The following EPHB1 variants were observed in gnomAD, a reference collection of about 807,000 sequenced individuals.
EPHB1 encodes ephrin type-B receptor 1.
EPHB1 carries 30 observed loss-of-function variants against 94.4 expected under a neutral mutation model. That is an observed-to-expected ratio of 0.32 (90% CI 0.24 to 0.43). EPHB1 has a LOEUF of 0.43. EPHB1 is among the 20% of genes least tolerant of loss of function. The pLI, the probability that EPHB1 is intolerant of heterozygous loss-of-function variation, is 1.00. For missense variants in EPHB1, 1,055 were observed against 1,308.3 expected, an observed-to-expected ratio of 0.81 and a Z score of 2.99; for synonymous variants, 522 against 489.1, an observed-to-expected ratio of 1.07 and a Z score of -0.89.
chr3:135,133,143 G>A (rs959099462), intron 5 of EPHB1, 94 bp downstream of exon 5: 23 of 1,262,734 alleles, frequency 1.8e-5, no homozygotes, highest in South Asian at 1.1e-4. Context: ...CATCCTGCCC[G>A]TGTACTGTCA....
chr3:134,863,153 G>A (rs892480327), intron 1 of EPHB1, among the ~76,000 whole-genome samples: 4 of 152,158 alleles, frequency 2.6e-5, no homozygotes, highest in African/African-American at 4.8e-5. Context: ...CTGCCACAGA[G>A]GTTTCCTAGC....
chr3:135,222,968 C>T (rs1222088792), intron 12 of EPHB1, among the ~76,000 whole-genome samples: 2 of 152,148 alleles, frequency 1.3e-5, no homozygotes, highest in Non-Finnish European at 2.9e-5. Flanking sequence ...TGCAATTTCG[C>T]AGAGTATGAG....
intron 3 of EPHB1, among the ~76,000 whole-genome samples, chr3:135,044,475 G>A (rs1031879169): frequency 6.6e-6 from 1 of 152,198 alleles, no homozygotes; most frequent in African/African-American, 2.4e-5. Flanking sequence ...AAAGAAGAGA[G>A]GTTAAGAACA....
At chr3:134,812,079 A>G (rs1371325048) in intron 1 of EPHB1, among the ~76,000 whole-genome samples, 1 of 152,226 alleles carries the variant, frequency 6.6e-6, no homozygotes, top group East Asian at 1.9e-4. Context: ...CCTGACTTCA[A>G]GGGATGTGAA....
At chr3:134,972,671 G>A (rs999457982) in intron 3 of EPHB1, among the ~76,000 whole-genome samples, 1 of 151,598 alleles carries the variant, frequency 6.6e-6, no homozygotes, top group Non-Finnish European at 1.5e-5. Flanking sequence ...CACAAAAATT[G>A]CAATACTGTG....
At chr3:135,086,997 C>A (rs1158817476) in intron 3 of EPHB1, among the ~76,000 whole-genome samples, 2 of 152,176 alleles carry the variant, frequency 1.3e-5, no homozygotes, top group Non-Finnish European at 1.5e-5. Context: ...ATCTGAGTTT[C>A]TTCTGCAAAA....
At chr3:134,928,573 G>C (rs2038841889) in intron 2 of EPHB1, among the ~76,000 whole-genome samples, 1 of 152,234 alleles carries the variant, frequency 6.6e-6, no homozygotes, top group Admixed American at 6.5e-5. Context: ...ACAGGAGGAG[G>C]AGTATGCTTG....
chr3:135,112,741 A>G (rs1465276916), intron 4 of EPHB1, among the ~76,000 whole-genome samples: 2 of 152,014 alleles, frequency 1.3e-5, no homozygotes, highest in African/African-American at 4.8e-5. Context: ...ATGGCTGCAT[A>G]GTATTCCATG....
intron 3 of EPHB1, among the ~76,000 whole-genome samples, chr3:134,965,424 G>A (rs1933698597): frequency 1.3e-5 from 2 of 152,090 alleles, no homozygotes; most frequent in African/African-American, 4.8e-5. Context: ...CTAGGGCCAG[G>A]CGAGGTGGCT....
At chr3:135,206,614 C>T (rs1296992660) in intron 12 of EPHB1, among the ~76,000 whole-genome samples, 1 of 152,194 alleles carries the variant, frequency 6.6e-6, no homozygotes, top group Non-Finnish European at 1.5e-5. Context: ...CTTTGGGAGG[C>T]CGAGGTGGGT....
intron 6 of EPHB1, among the ~76,000 whole-genome samples, chr3:135,154,736 A>G (rs1941299111): frequency 6.6e-6 from 1 of 152,226 alleles, no homozygotes; most frequent in South Asian, 2.1e-4. Flanking sequence ...GGATAAAAAA[A>G]CATGTAAAGT....
chr3:134,918,620 G>A (rs1197264311), intron 1 of EPHB1, among the ~76,000 whole-genome samples: 3 of 152,122 alleles, frequency 2.0e-5, no homozygotes, highest in Admixed American at 6.5e-5. Flanking sequence ...TTGAAACACT[G>A]TCTCCTGAGT....
At chr3:134,882,759 TTC>T (rs1560280416) in intron 1 of EPHB1, among the ~76,000 whole-genome samples, 743 of 33,908 alleles carry the variant, frequency 0.022, 48 homozygotes, top group African/African-American at 0.071. Flanking sequence ...CCTTTCTTCC[TTC>T]CTTCCTTTCT....
Position 135,093,790 on chromosome 3 carries a change from A to G in EPHB1, c.806-12658A>G, listed in dbSNP as rs1938649247. 2.0e-5 allele frequency among the ~76,000 whole-genome samples: 3 copies of G among 152,212 alleles called. No homozygotes were observed. The East Asian group carries it at 5.8e-4, about 29-fold the overall frequency. The stretch of plus-strand genomic sequence containing the variant: ...TCACTGCATAAAAATTGGAAAATAT[A>G]GATCATAAAAGATTTTTAAAATGTG... On this transcript the variant is annotated intron_variant, in intron 3 of 15. Coordinates refer to ENST00000398015, the MANE Select transcript of EPHB1 (RefSeq NM_004441.5).
At chr3:135,245,164 T>C (rs1467780810) in intron 13 of EPHB1, among the ~76,000 whole-genome samples, 1 of 152,218 alleles carries the variant, frequency 6.6e-6, no homozygotes, top group Non-Finnish European at 1.5e-5. Flanking sequence ...ACAGCCGTAA[T>C]GACACCTTCT....
intron 3 of EPHB1, among the ~76,000 whole-genome samples, chr3:134,971,599 G>A (rs933799166): frequency 2.6e-5 from 4 of 152,188 alleles, no homozygotes; most frequent in African/African-American, 9.7e-5. Flanking sequence ...GTGAGGGCTG[G>A]TGTGAAGCAT....
At chr3:135,058,806 G>A (rs1244783349) in intron 3 of EPHB1, among the ~76,000 whole-genome samples, 1 of 152,236 alleles carries the variant, frequency 6.6e-6, no homozygotes, top group African/African-American at 2.4e-5. Flanking sequence ...ATACAGATGA[G>A]CGGCTTGTAG....
chr3:134,903,299 T>C (rs1255980493), intron 1 of EPHB1, among the ~76,000 whole-genome samples: 1 of 152,176 alleles, frequency 6.6e-6, no homozygotes, highest in Non-Finnish European at 1.5e-5. Context: ...GGCTCCTGCA[T>C]TCCAGGCATC....
rs573285880 is a variant in EPHB1 at position 134,850,549 on chromosome 3, G to A, written c.58+54860G>A. Among the ~76,000 whole-genome samples the A allele has an allele frequency of 1.9e-4, 29 of 152,342 alleles. No homozygotes were observed. In the South Asian group the frequency reaches 3.1e-3, roughly 16 times the overall value. On this transcript the variant is annotated intron_variant, in intron 1 of 15. Transcript: ENST00000398015. ...GACTTGACCTCACTGACTGTTCACC[G>A]TCGGGTGGGGCAGAGGATGGGGAAG...
Sources: allele counts gnomAD v4.1 joint callset (sites outside exome capture counted in the v4.1 genomes callset), GRCh38; gene constraint gnomAD v4.1.1; transcripts MANE v1.5; gene names NCBI Gene and HGNC (gene_info 2026-07-23, HGNC 2026-07-21).